Variants in NRXN1 observed in about 807,000 individuals in gnomAD.
NRXN1 encodes neurexin-1.
Under a neutral mutation model 150.9 loss-of-function variants are expected in NRXN1, and 39 were observed. The observed-to-expected ratio is 0.26, with a 90% CI of 0.20 to 0.34. NRXN1 has a LOEUF of 0.34. Among genes scored for constraint, NRXN1 ranks in the 10% least tolerant of loss-of-function variants. The pLI, the probability that NRXN1 is intolerant of heterozygous loss-of-function variation, is 1.00. For missense variants in NRXN1, 1,815 were observed against 1,949.9 expected (o/e 0.93, Z 1.30); for synonymous variants, 924 against 757.0 (o/e 1.22, Z -3.62).
intron 5 of NRXN1, among the ~76,000 whole-genome samples, chr2:50,627,357 A>ATGTATG (rs1162435216): frequency 7.0e-6 from 1 of 143,516 alleles, no homozygotes; most frequent in African/African-American, 2.6e-5. Flanking sequence ...TGGTTCATGT[A>ATGTATG]TGTGTGTGTG....
intron 12 of NRXN1, among the ~76,000 whole-genome samples, chr2:50,520,350 T>C (rs148291563): frequency 1.8e-4 from 27 of 152,084 alleles, no homozygotes; most frequent in African/African-American, 2.4e-4. Context: ...TAGTGTAGCT[T>C]TATCCTAAAT....
intron 17 of NRXN1, among the ~76,000 whole-genome samples, chr2:50,421,279 A>T (rs761388346): frequency 6.6e-6 from 1 of 151,204 alleles, no homozygotes; most frequent in African/African-American, 2.5e-5. Flanking sequence ...TTCAATTTCA[A>T]AACTGTTGTA....
At chr2:50,109,092 G>A (rs899468929) in intron 18 of NRXN1, among the ~76,000 whole-genome samples, 4 of 151,986 alleles carry the variant, frequency 2.6e-5, no homozygotes, top group African/African-American at 9.7e-5. Flanking sequence ...TAATTTTTTG[G>A]CAAGTGTTTC....
Position 50,938,071 on chromosome 2 carries a change from AT to A in NRXN1, c.773-12117del, listed in dbSNP as rs541525627. The stretch of plus-strand genomic sequence containing the variant: ...ATAGGAAAGGTAAAGTAAAAATATG[AT>A]TTTTTTTTTAATGGTACACCTGTGC... On this transcript the variant is annotated intron_variant, in intron 2 of 22. Coordinates refer to ENST00000401669, the MANE Select transcript of NRXN1 (RefSeq NM_001330078.2). Among the ~76,000 whole-genome samples, 49 of 149,718 alleles carry A rather than the reference AT, an allele frequency of 3.3e-4. No homozygotes were observed. The South Asian group carries it at 8.9e-3, about 27-fold the overall frequency.
chr2:50,793,078 C>T (rs377208723), intron 5 of NRXN1, among the ~76,000 whole-genome samples: 7 of 151,890 alleles, frequency 4.6e-5, no homozygotes, highest in Middle Eastern at 6.8e-3. Flanking sequence ...TTCTTTCCAC[C>T]GAGTGTAAGT....
chr2:49,949,705 A>T (rs974875952), intron 21 of NRXN1, among the ~76,000 whole-genome samples: 2 of 150,970 alleles, frequency 1.3e-5, no homozygotes, highest in African/African-American at 4.9e-5. Context: ...ATACGAAGCC[A>T]AAAGAATTGT....
At chr2:50,352,238 G>A (rs899465170) in intron 17 of NRXN1, among the ~76,000 whole-genome samples, 3 of 152,168 alleles carry the variant, frequency 2.0e-5, no homozygotes, top group Admixed American at 1.3e-4. Context: ...AGATGGAAGA[G>A]GAGAGTGAGT....
chr2:50,632,151 G>A (rs1380422142), intron 5 of NRXN1, among the ~76,000 whole-genome samples: 3 of 151,738 alleles, frequency 2.0e-5, no homozygotes, highest in Admixed American at 6.6e-5. Flanking sequence ...TCTTATTACC[G>A]ACTTGGTCAA....
rs1480294779 is a variant in NRXN1, at chr2:50,299,034, G to A, written c.3365-62064C>T. ...GGAGAAAATGCCATCCTTTTATTAT[G>A]TTCAAAATTGATCTGACCCCTGAGG... On this transcript the variant is annotated intron_variant, in intron 17 of 22. Transcript: ENST00000401669. Among the ~76,000 whole-genome samples the A allele has an allele frequency of 2.6e-5, 4 of 152,080 alleles. No individual in the cohort carries two copies. The South Asian group carries it at 6.2e-4, about 24-fold the overall frequency.
intron 2 of NRXN1, among the ~76,000 whole-genome samples, chr2:50,930,436 T>A (rs929796438): frequency 6.6e-6 from 1 of 152,110 alleles, no homozygotes; most frequent in African/African-American, 2.4e-5. Context: ...CCTAAAGTTA[T>A]TGCGATTTAT....
chr2:50,114,982 G>T (rs1702843800), intron 18 of NRXN1, among the ~76,000 whole-genome samples: 1 of 151,740 alleles, frequency 6.6e-6, no homozygotes, highest in Non-Finnish European at 1.5e-5. Flanking sequence ...ATGAACACCA[G>T]GAGTAAACCC....
chr2:50,998,110 G>A (rs909800025), intron 2 of NRXN1, among the ~76,000 whole-genome samples: 2 of 141,236 alleles, frequency 1.4e-5, no homozygotes, highest in Non-Finnish European at 3.0e-5. Context: ...CAGGTTTTCT[G>A]ACAAGTTTTG....
chr2:50,083,794 C>G (rs368165974), intron 19 of NRXN1, among the ~76,000 whole-genome samples: 48 of 152,176 alleles, frequency 3.2e-4, no homozygotes, highest in African/African-American at 1.1e-3. Flanking sequence ...CACCTCCCCA[C>G]TAGATAAGCT....
intron 21 of NRXN1, among the ~76,000 whole-genome samples, chr2:49,965,779 T>C (rs1007723470): frequency 6.6e-6 from 1 of 152,240 alleles, no homozygotes; most frequent in African/African-American, 2.4e-5. Flanking sequence ...CAATCACTTA[T>C]GTCACCACTT....
intron 5 of NRXN1, among the ~76,000 whole-genome samples, chr2:50,711,022 A>G (rs1695066224): frequency 6.6e-6 from 1 of 152,196 alleles, no homozygotes; most frequent in African/African-American, 2.4e-5. Flanking sequence ...TGGAATAATG[A>G]CAACAAGCAA....
chr2:50,762,370 A>T (rs1251388989), intron 5 of NRXN1, among the ~76,000 whole-genome samples: 1 of 151,586 alleles, frequency 6.6e-6, no homozygotes, highest in Non-Finnish European at 1.5e-5. Context: ...CAGGGGTCAC[A>T]TGTAAAGGTT....
chr2:50,924,121 A>G (rs1686504089), intron 3 of NRXN1, among the ~76,000 whole-genome samples: 1 of 150,722 alleles, frequency 6.6e-6, no homozygotes, highest in Non-Finnish European at 1.5e-5. Context: ...AGATATTTCC[A>G]AGTAACATTT....
At chr2:49,966,303 T>C (rs1313422435) in intron 21 of NRXN1, among the ~76,000 whole-genome samples, 1 of 152,174 alleles carries the variant, frequency 6.6e-6, no homozygotes, top group African/African-American at 2.4e-5. Context: ...GAAATGAGCA[T>C]CTGTATTCTT....
At chr2:50,560,754 C>A (rs573920007) in intron 8 of NRXN1, among the ~76,000 whole-genome samples, 3 of 151,960 alleles carry the variant, frequency 2.0e-5, no homozygotes, top group African/African-American at 7.3e-5. Context: ...AAGAGACATA[C>A]GTAAATAATT....
Sources: gnomAD v4.1 joint callset for allele counts (sites outside exome capture counted in the v4.1 genomes callset) on GRCh38, gnomAD v4.1.1 for gene constraint, MANE v1.5 for transcripts, NCBI Gene and HGNC (gene_info 2026-07-23, HGNC 2026-07-21) for gene names.